The following ST6GALNAC3 variants were observed in gnomAD, a reference collection of about 807,000 sequenced individuals.
The protein encoded by ST6GALNAC3 is alpha-N-acetylgalactosaminide alpha-2,6-sialyltransferase 3.
Under a neutral mutation model 32.7 loss-of-function variants are expected in ST6GALNAC3, and 25 were observed. The observed-to-expected ratio is 0.76, with a 90% CI of 0.56 to 1.07. The LOEUF is 1.07. ST6GALNAC3 is among the 50% of genes least tolerant of loss of function. The pLI, the probability that ST6GALNAC3 is intolerant of heterozygous loss-of-function variation, is 0.00. For missense variants in ST6GALNAC3, 355 were observed against 382.4 expected, an observed-to-expected ratio of 0.93 and a Z score of 0.60; for synonymous variants, 129 against 133.1, an observed-to-expected ratio of 0.97 and a Z score of 0.21.
chr1:76,202,739 C>T (rs1654604096), intron 1 of ST6GALNAC3, among the ~76,000 whole-genome samples: 1 of 152,130 alleles, frequency 6.6e-6, no homozygotes, highest in Non-Finnish European at 1.5e-5. Flanking sequence ...TGCCCAGAGT[C>T]TTAAAAAATG....
At chr1:76,634,857 G>A (rs1255281803), downstream of ST6GALNAC3, among the ~76,000 whole-genome samples, 1 of 61,486 alleles carries the variant, frequency 1.6e-5, no homozygotes, top group Non-Finnish European at 3.2e-5. Context: ...CCGCCACTAC[G>A]CCCGGCTAAT....
chr1:76,398,077 G>T (rs1653116448), intron 2 of ST6GALNAC3, among the ~76,000 whole-genome samples: 1 of 151,970 alleles, frequency 6.6e-6, no homozygotes, highest in Non-Finnish European at 1.5e-5. Context: ...TTTGGTTCCA[G>T]TCCTAGTAAG....
chr1:76,079,728 C>T (rs10443175), intron 1 of ST6GALNAC3, among the ~76,000 whole-genome samples: 25,906 of 152,076 alleles, frequency 0.17, 2,671 homozygotes, highest in South Asian at 0.26. Context: ...CCTCTTCCTC[C>T]CCCTGCCCCA....
At chr1:76,470,055 G>A (rs932808805) in intron 3 of ST6GALNAC3, among the ~76,000 whole-genome samples, 2 of 152,050 alleles carry the variant, frequency 1.3e-5, no homozygotes, top group Admixed American at 6.6e-5. Context: ...AGACCAAGGT[G>A]TCACCATCTT....
chr1:76,278,489 G>A (rs953156936), intron 1 of ST6GALNAC3, among the ~76,000 whole-genome samples: 1 of 150,626 alleles, frequency 6.6e-6, no homozygotes, highest in Non-Finnish European at 1.5e-5. Context: ...CCAAAGTACT[G>A]GGATTATAGG....
At chr1:76,468,861 G>A (rs1454213032) in intron 3 of ST6GALNAC3, among the ~76,000 whole-genome samples, 1 of 151,968 alleles carries the variant, frequency 6.6e-6, no homozygotes, top group African/African-American at 2.4e-5. Context: ...ATGAAGTAGA[G>A]GAAAGAAGGT....
chr1:76,298,302 C>G (rs1338484904), intron 1 of ST6GALNAC3, among the ~76,000 whole-genome samples: 1 of 151,934 alleles, frequency 6.6e-6, no homozygotes, highest in Non-Finnish European at 1.5e-5. Context: ...ACCCAAGAAA[C>G]CAACACATGG....
At chr1:76,330,319 A>C (rs1570851805) in intron 2 of ST6GALNAC3, among the ~76,000 whole-genome samples, 1 of 152,102 alleles carries the variant, frequency 6.6e-6, no homozygotes, top group East Asian at 1.9e-4. Flanking sequence ...TGCCCGGCTA[A>C]TTTTTGTATT....
At position 76,351,985 on chromosome 1, in the gene ST6GALNAC3, C is replaced by T. The variant is rs199657888; in HGVS notation, c.213+37986C>T. 6.6e-5 allele frequency among the ~76,000 whole-genome samples: 10 copies of T among 152,014 alleles called. No homozygotes were observed. The South Asian group carries it at 1.9e-3, about 28-fold the overall frequency. On this transcript the variant is annotated intron_variant, in intron 2 of 4. Coordinates refer to ENST00000328299, the MANE Select transcript of ST6GALNAC3 (RefSeq NM_152996.4). ...GATATTATAAATGTTTGTGGCCATC[C>T]GAAGGGCCATAGTACCTAAGTAGAT...
chr1:76,465,100 A>G (rs1301780058), intron 3 of ST6GALNAC3, among the ~76,000 whole-genome samples: 1 of 152,314 alleles, frequency 6.6e-6, no homozygotes, highest in East Asian at 1.9e-4. Context: ...TTGAGGGAAA[A>G]GGAGGAAGAA....
At chr1:76,255,083 C>G (rs959372181) in intron 1 of ST6GALNAC3, among the ~76,000 whole-genome samples, 19 of 150,830 alleles carry the variant, frequency 1.3e-4, no homozygotes, top group African/African-American at 4.2e-4. Flanking sequence ...TTATGTGGCA[C>G]CTAGCACAAG....
intron 3 of ST6GALNAC3, among the ~76,000 whole-genome samples, chr1:76,484,699 C>T (rs1050548532): frequency 6.6e-6 from 1 of 152,048 alleles, no homozygotes; most frequent in Non-Finnish European, 1.5e-5. Flanking sequence ...CTTTTCCTAA[C>T]TGAATACCCT....
intron 2 of ST6GALNAC3, among the ~76,000 whole-genome samples, chr1:76,401,025 C>G (rs1294832763): frequency 6.6e-6 from 1 of 151,856 alleles, no homozygotes; most frequent in Non-Finnish European, 1.5e-5. Flanking sequence ...TGAAGCTTTA[C>G]TATAATGTTT....
intron 3 of ST6GALNAC3, among the ~76,000 whole-genome samples, chr1:76,497,123 T>A (rs1177464493): frequency 1.3e-5 from 2 of 152,140 alleles, no homozygotes; most frequent in African/African-American, 4.8e-5. Context: ...ATAACCCTAA[T>A]TTGGAATTCT....
intron 2 of ST6GALNAC3, among the ~76,000 whole-genome samples, chr1:76,371,515 G>C (rs893165033): frequency 1.3e-5 from 2 of 152,152 alleles, no homozygotes; most frequent in African/African-American, 4.8e-5. Context: ...AAAAGCAATT[G>C]GTTCAGTTTA....
At chr1:76,487,006 A>G (rs1319990327) in intron 3 of ST6GALNAC3, among the ~76,000 whole-genome samples, 2 of 152,160 alleles carry the variant, frequency 1.3e-5, no homozygotes, top group South Asian at 4.1e-4. Context: ...GCTGGATATG[A>G]AATTCTGGAT....
At chr1:76,337,387 G>A (rs1333229245) in intron 2 of ST6GALNAC3, among the ~76,000 whole-genome samples, 1 of 152,166 alleles carries the variant, frequency 6.6e-6, no homozygotes, top group Non-Finnish European at 1.5e-5. Context: ...CACAGAAATA[G>A]TCGGGAAATT....
At chr1:76,209,679 T>C (rs1570443540) in intron 1 of ST6GALNAC3, among the ~76,000 whole-genome samples, 1 of 152,076 alleles carries the variant, frequency 6.6e-6, no homozygotes, top group Admixed American at 6.5e-5. Flanking sequence ...CCCCCAACAG[T>C]TGTTTAAAAG....
intron 2 of ST6GALNAC3, among the ~76,000 whole-genome samples, chr1:76,343,895 T>C (rs1648274563): frequency 6.6e-6 from 1 of 152,164 alleles, no homozygotes. Flanking sequence ...TGGCAACCTA[T>C]GAGAATTGCT....
Sources: gnomAD v4.1 joint callset for allele counts (sites outside exome capture counted in the v4.1 genomes callset) on GRCh38, gnomAD v4.1.1 for gene constraint, MANE v1.5 for transcripts, NCBI Gene and HGNC (gene_info 2026-07-23, HGNC 2026-07-21) for gene names.